MAGI1: variants seen among roughly 807,000 people sequenced by gnomAD.
The protein encoded by MAGI1 is membrane-associated guanylate kinase, WW and PDZ domain-containing protein 1.
In MAGI1, 58 loss-of-function variants were observed where a neutral mutation model predicts 139.9. The ratio of observed to expected loss-of-function variants is 0.41; its 90% CI spans 0.34 to 0.52. The LOEUF (loss-of-function observed/expected upper bound fraction) is 0.52, where lower values mean the gene tolerates loss of function less well. Among genes scored for constraint, MAGI1 ranks in the 20% least tolerant of loss-of-function variants. The probability of loss-of-function intolerance (pLI) is 0.12; values close to 1 mark genes in which losing one functional copy is unlikely to be tolerated. For missense variants in MAGI1, 1,874 were observed against 1,901.6 expected, an observed-to-expected ratio of 0.99 and a Z score of 0.27; for synonymous variants, 812 against 737.9, an observed-to-expected ratio of 1.10 and a Z score of -1.63.
At chr3:65,685,798 C>T (rs1174858453) in intron 1 of MAGI1, among the ~76,000 whole-genome samples, 3 of 152,088 alleles carry the variant, frequency 2.0e-5, no homozygotes, top group East Asian at 3.9e-4. Context: ...TGGAAGAATG[C>T]CAGTGGTCTC....
intron 1 of MAGI1, among the ~76,000 whole-genome samples, chr3:65,652,764 G>A (rs529415958): frequency 2.6e-5 from 4 of 152,228 alleles, no homozygotes; most frequent in East Asian, 3.9e-4. Context: ...AGGCCATGGC[G>A]AGGCTTTACA....
chr3:65,533,886 T>A (rs1004084692), intron 2 of MAGI1, among the ~76,000 whole-genome samples: 2 of 152,136 alleles, frequency 1.3e-5, no homozygotes, highest in African/African-American at 2.4e-5. Context: ...CACTACTAGG[T>A]AAGATCATTC....
intron 7 of MAGI1, among the ~76,000 whole-genome samples, chr3:65,447,169 G>A (rs1474247012): frequency 2.0e-5 from 3 of 152,126 alleles, no homozygotes; most frequent in Admixed American, 6.5e-5. Flanking sequence ...ATCAGCCGAG[G>A]CTTTCATCAG....
At chr3:65,565,214 C>T (rs1398910383) in intron 2 of MAGI1, among the ~76,000 whole-genome samples, 1 of 152,194 alleles carries the variant, frequency 6.6e-6, no homozygotes, top group Non-Finnish European at 1.5e-5. Flanking sequence ...TTTCCATTCC[C>T]TTTTCTTCAG....
At chr3:65,514,445 C>T (rs2107769850) in intron 2 of MAGI1, among the ~76,000 whole-genome samples, 1 of 144,956 alleles carries the variant, frequency 6.9e-6, no homozygotes, top group African/African-American at 2.6e-5. Flanking sequence ...CTACAATGAA[C>T]TCAAACAAAT....
intron 1 of MAGI1, among the ~76,000 whole-genome samples, chr3:66,018,908 C>T (rs1227154230): frequency 6.6e-6 from 1 of 152,224 alleles, no homozygotes; most frequent in East Asian, 1.9e-4. Context: ...TTCCCCAGAA[C>T]TGTTCAAGGC....
At chr3:65,526,168 A>G (rs1185356638) in intron 2 of MAGI1, among the ~76,000 whole-genome samples, 1 of 152,110 alleles carries the variant, frequency 6.6e-6, no homozygotes, top group East Asian at 1.9e-4. Context: ...GCAGGGTGGG[A>G]TATATGCTTG....
chr3:65,812,468 T>TCTCTCTCACACACACACACACA (rs1176899313), intron 1 of MAGI1, among the ~76,000 whole-genome samples: 11 of 89,162 alleles, frequency 1.2e-4, no homozygotes, highest in South Asian at 9.7e-4. Context: ...TCTCTCTCTC[T>TCTCTCTCACACACACACACACA]CACACACACA....
intron 1 of MAGI1, among the ~76,000 whole-genome samples, chr3:65,663,593 G>C (rs1403732938): frequency 6.6e-6 from 1 of 152,174 alleles, no homozygotes; most frequent in East Asian, 1.9e-4. Flanking sequence ...CATTCAAGAG[G>C]TATCTATTGA....
intron 14 of MAGI1, chr3:65,387,222 C>T (rs781271761): frequency 6.2e-7 from 1 of 1,613,100 alleles, no homozygotes; most frequent in South Asian, 1.1e-5. Flanking sequence ...GTGAAGGTGA[C>T]ATAGCTGGAA....
chr3:65,512,655 C>A (rs1279775748), intron 2 of MAGI1, among the ~76,000 whole-genome samples: 1 of 151,526 alleles, frequency 6.6e-6, no homozygotes, highest in African/African-American at 2.4e-5. Flanking sequence ...GAAATTGTGG[C>A]AATAATCAAT....
intron 1 of MAGI1, among the ~76,000 whole-genome samples, chr3:66,034,333 G>A (rs924392893): frequency 1.3e-5 from 2 of 152,152 alleles, no homozygotes; most frequent in Admixed American, 1.3e-4. Context: ...AGACAGAGCT[G>A]GGTTGCAGCT....
intron 1 of MAGI1, chr3:65,844,404 C>A: frequency 2.9e-6 from 1 of 340,234 alleles, no homozygotes; most frequent in Non-Finnish European, 5.6e-6. Context: ...AAAGGATATC[C>A]CAGAAGAAAC....
At chr3:65,770,147 G>T (rs987221031) in intron 1 of MAGI1, among the ~76,000 whole-genome samples, 3 of 152,170 alleles carry the variant, frequency 2.0e-5, no homozygotes, top group African/African-American at 7.2e-5. Context: ...TGCTTACCAT[G>T]AGTTTATTTT....
intron 14 of MAGI1, among the ~76,000 whole-genome samples, chr3:65,390,120 G>A (rs1943788350): frequency 6.6e-6 from 1 of 152,064 alleles, no homozygotes; most frequent in African/African-American, 2.4e-5. Flanking sequence ...GGAGGCCAGG[G>A]ACCCACACCT....
intron 1 of MAGI1, among the ~76,000 whole-genome samples, chr3:65,875,817 G>C (rs767498495): frequency 6.6e-6 from 1 of 152,144 alleles, no homozygotes; most frequent in Non-Finnish European, 1.5e-5. Context: ...TGCTGTTCCT[G>C]TCTCAGCTCG....
chr3:65,769,779 G>C (rs2037799592), intron 1 of MAGI1, among the ~76,000 whole-genome samples: 1 of 152,208 alleles, frequency 6.6e-6, no homozygotes, highest in Non-Finnish European at 1.5e-5. Flanking sequence ...CTATGTAACA[G>C]TGCCTGTTAA....
intron 2 of MAGI1, among the ~76,000 whole-genome samples, chr3:65,619,319 A>G (rs979926111): frequency 4.6e-5 from 7 of 152,310 alleles, no homozygotes; most frequent in African/African-American, 1.7e-4. Flanking sequence ...CTGAGCCGTA[A>G]GTGGTAAAGT....
rs114405124 is a variant in MAGI1 at position 65,773,949 on chromosome 3, G to C, written c.314-151861C>G. ...ATTAGAACAATTTCTTCCCGGGAAC[G>C]ATATGAAGGAAACTTCACAGGAAGA... is the stretch of plus-strand genomic sequence containing the variant. On this transcript the variant is annotated intron_variant, in intron 1 of 22. Coordinates refer to ENST00000402939, the MANE Select transcript of MAGI1 (RefSeq NM_001033057.2). Among the ~76,000 whole-genome samples the C allele has an allele frequency of 6.1e-3, 929 of 151,934 alleles. 11 individuals are homozygous for C. Among genetic ancestry groups the C allele is most frequent in the African/African-American group, 0.021 (876 of 41,412 alleles).
Sources: allele counts gnomAD v4.1 joint callset (sites outside exome capture counted in the v4.1 genomes callset), GRCh38; gene constraint gnomAD v4.1.1; transcripts MANE v1.5; gene names NCBI Gene and HGNC (gene_info 2026-07-23, HGNC 2026-07-21).